The following CIMIP6 variants were observed in gnomAD, a reference collection of about 807,000 sequenced individuals.
CIMIP6 encodes the protein uncharacterized protein C2orf73.
the CIMIP6 span, chr2:54,381,764 C>T: frequency 2.1e-6 from 3 of 1,444,100 alleles, no homozygotes; most frequent in Non-Finnish European, 1.8e-6. Flanking sequence ...CATTTCAGAA[C>T]TCCATCTGAT....
chr2:54,360,339 C>T, the CIMIP6 span: 5 of 1,610,552 alleles, frequency 3.1e-6, no homozygotes, highest in South Asian at 1.1e-5. Context: ...GGAAACTCAG[C>T]GGAAAGCAGA....
the CIMIP6 span, among the ~76,000 whole-genome samples, chr2:54,363,505 C>T: frequency 6.6e-6 from 1 of 152,166 alleles, no homozygotes; most frequent in African/African-American, 2.4e-5. Context: ...GCTTCTTCTA[C>T]CTCTTCATAT....
At chr2:54,334,333 G>C in the CIMIP6 span, among the ~76,000 whole-genome samples, 4 of 152,108 alleles carry the variant, frequency 2.6e-5, no homozygotes, top group African/African-American at 9.7e-5. Flanking sequence ...GATAAATAAT[G>C]GTGCTCCTTT....
chr2:54,357,111 GA>G, the CIMIP6 span, among the ~76,000 whole-genome samples: 2 of 152,274 alleles, frequency 1.3e-5, no homozygotes, highest in South Asian at 4.1e-4. Context: ...TGATTAAGTA[GA>G]AAATGAGTTT....
the CIMIP6 span, among the ~76,000 whole-genome samples, chr2:54,362,278 AAG>A: frequency 7.2e-5 from 11 of 152,342 alleles, no homozygotes; most frequent in East Asian, 1.5e-3. Flanking sequence ...CAAACTGAGC[AAG>A]AGTCTGCAGT....
At chr2:54,341,796 A>C in the CIMIP6 span, among the ~76,000 whole-genome samples, 1 of 152,168 alleles carries the variant, frequency 6.6e-6, no homozygotes, top group African/African-American at 2.4e-5. Context: ...GACAAGACCT[A>C]TAAATCCTAG....
chr2:54,368,447 T>C, the CIMIP6 span, among the ~76,000 whole-genome samples: 1 of 152,226 alleles, frequency 6.6e-6, no homozygotes, highest in African/African-American at 2.4e-5. Flanking sequence ...CAATATGAGA[T>C]TTCCATAACC....
At chr2:54,380,570 G>A in the CIMIP6 span, among the ~76,000 whole-genome samples, 1 of 152,172 alleles carries the variant, frequency 6.6e-6, no homozygotes. Context: ...TGGCACAAGA[G>A]TTAAAACACT....
chr2:54,363,350 T>C, the CIMIP6 span, among the ~76,000 whole-genome samples: 3 of 152,150 alleles, frequency 2.0e-5, no homozygotes, highest in Admixed American at 6.5e-5. Context: ...TACTTGGGCA[T>C]TACCCTGCTT....
chr2:54,352,513 C>T, the CIMIP6 span, among the ~76,000 whole-genome samples: 1 of 152,046 alleles, frequency 6.6e-6, no homozygotes, highest in African/African-American at 2.4e-5. Context: ...TGTGAAGTGG[C>T]TAATTAAGAT....
At chr2:54,364,997 G>A in the CIMIP6 span, among the ~76,000 whole-genome samples, 3 of 152,204 alleles carry the variant, frequency 2.0e-5, no homozygotes, top group Non-Finnish European at 2.9e-5. Flanking sequence ...TGGAATCAGA[G>A]GATGAACTTG....
the CIMIP6 span, among the ~76,000 whole-genome samples, chr2:54,346,498 G>A: frequency 6.6e-6 from 1 of 152,106 alleles, no homozygotes; most frequent in African/African-American, 2.4e-5. Flanking sequence ...TTTCAAACCT[G>A]ATATGGCTGG....
chr2:54,358,964 C>T, the CIMIP6 span: 1 of 1,518,216 alleles, frequency 6.6e-7, no homozygotes, highest in South Asian at 1.3e-5. Context: ...TTTAGTACCA[C>T]TTGCCTCTCC....
chr2:54,334,834 A>G, the CIMIP6 span: 1 of 1,544,820 alleles, frequency 6.5e-7, no homozygotes, highest in Non-Finnish European at 8.8e-7. Context: ...AAAATAGAGG[A>G]TGCTGCTATA....
the CIMIP6 span, among the ~76,000 whole-genome samples, chr2:54,366,667 C>T: frequency 6.6e-6 from 1 of 152,092 alleles, no homozygotes; most frequent in Admixed American, 6.5e-5. Context: ...AAAGGAAAGA[C>T]AACCATAATG....
the CIMIP6 span, among the ~76,000 whole-genome samples, chr2:54,332,556 C>A: frequency 8.3e-4 from 127 of 152,266 alleles, no homozygotes; most frequent in African/African-American, 3.0e-3. Context: ...GATTCCAGTC[C>A]CTGTCTGACT....
chr2:54,361,941 T>G, the CIMIP6 span, among the ~76,000 whole-genome samples: 2 of 152,194 alleles, frequency 1.3e-5, no homozygotes, highest in African/African-American at 4.8e-5. Context: ...GGCTGGCCTG[T>G]CAGTACAAGG....
the CIMIP6 span, among the ~76,000 whole-genome samples, chr2:54,331,749 G>A: frequency 6.6e-6 from 1 of 151,846 alleles, no homozygotes; most frequent in Non-Finnish European, 1.5e-5. Context: ...GCATCCAGGT[G>A]ATTCTGATGT....
the CIMIP6 span, among the ~76,000 whole-genome samples, chr2:54,382,669 A>G: frequency 6.6e-6 from 1 of 152,116 alleles, no homozygotes; most frequent in Non-Finnish European, 1.5e-5. Context: ...ATAAACACAG[A>G]TGTTTTCTAC....
Sources: allele counts gnomAD v4.1 joint callset (sites outside exome capture counted in the v4.1 genomes callset), GRCh38; gene constraint gnomAD v4.1.1; transcripts MANE v1.5; gene names NCBI Gene and HGNC (gene_info 2026-07-23, HGNC 2026-07-21).